CPNE4: variants seen among roughly 807,000 people sequenced by gnomAD.
CPNE4 encodes the protein copine 4, also known as copine-4.
CPNE4 carries 25 observed loss-of-function variants against 67.9 expected under a neutral mutation model. The observed-to-expected ratio is 0.37, with a 90% CI of 0.27 to 0.51. CPNE4 has a LOEUF of 0.51. Among genes scored for constraint, CPNE4 ranks in the 20% least tolerant of loss-of-function variants. The pLI, the probability that CPNE4 is intolerant of heterozygous loss-of-function variation, is 0.93. For missense variants in CPNE4, 464 were observed against 690.8 expected (o/e 0.67, Z 3.68); for synonymous variants, 242 against 244.9 (o/e 0.99, Z 0.11).
chr3:131,770,714 A>G (rs2083145150), intron 2 of CPNE4, among the ~76,000 whole-genome samples: 1 of 152,212 alleles, frequency 6.6e-6, no homozygotes. Context: ...TCTAAAGTTG[A>G]TATTCTGAGA....
intron 5 of CPNE4, among the ~76,000 whole-genome samples, chr3:131,691,756 A>C (rs1273281725): frequency 6.6e-6 from 1 of 152,190 alleles, no homozygotes; most frequent in Non-Finnish European, 1.5e-5. Context: ...AGAAGAAAAA[A>C]TTCATGAAGG....
chr3:131,925,117 G>GTC (rs149188417), intron 1 of CPNE4, among the ~76,000 whole-genome samples: 29 of 150,702 alleles, frequency 1.9e-4, no homozygotes, highest in Admixed American at 2.7e-4. Context: ...ATTGCTAAAA[G>GTC]TCTCTCTCTC....
intron 2 of CPNE4, among the ~76,000 whole-genome samples, chr3:131,769,875 A>G (rs2083120953): frequency 6.6e-6 from 1 of 152,030 alleles, no homozygotes; most frequent in Non-Finnish European, 1.5e-5. Context: ...AACATAACTT[A>G]TTTTCTCTTA....
chr3:131,861,532 G>A (rs1560485988), intron 2 of CPNE4, among the ~76,000 whole-genome samples: 1 of 152,014 alleles, frequency 6.6e-6, no homozygotes, highest in East Asian at 1.9e-4. Context: ...CCGGGTTCAA[G>A]CGGTTCTCCT....
Position 131,602,043 on chromosome 3 carries a change from A to G in CPNE4, c.682-14461T>C, listed in dbSNP as rs564020337. On this transcript the variant is annotated intron_variant, in intron 7 of 15. Transcript: ENST00000429747. The stretch of plus-strand genomic sequence containing the variant: ...GTCTAAGAATTTAGTACACCTAAGA[A>G]GAGTTGTTAAATTTCAGATTTCCAG... Among the ~76,000 whole-genome samples, 20 of 152,326 alleles carry G rather than the reference A, an allele frequency of 1.3e-4. No homozygotes were observed. In the East Asian group the frequency reaches 2.7e-3, roughly 21 times the overall value.
intron 2 of CPNE4, among the ~76,000 whole-genome samples, chr3:131,886,272 C>T (rs2087889910): frequency 6.6e-6 from 1 of 152,192 alleles, no homozygotes; most frequent in South Asian, 2.1e-4. Flanking sequence ...GTGGTGCAAG[C>T]CCCAAGCCTT....
intron 2 of CPNE4, among the ~76,000 whole-genome samples, chr3:131,805,165 T>C (rs1482592739): frequency 6.6e-6 from 1 of 152,212 alleles, no homozygotes; most frequent in Non-Finnish European, 1.5e-5. Flanking sequence ...ATACACTACC[T>C]GCTGCAAAAC....
intron 1 of CPNE4, among the ~76,000 whole-genome samples, chr3:132,026,389 C>T (rs2074116994): frequency 6.6e-6 from 1 of 152,088 alleles, no homozygotes; most frequent in African/African-American, 2.4e-5. Context: ...CATAGCCAGG[C>T]CAGGAGAGGG....
At position 131,990,459 on chromosome 3, in the gene CPNE4, C is replaced by G. The variant is rs901976236; in HGVS notation, c.-2+44108G>C. Among the ~76,000 whole-genome samples the G allele has an allele frequency of 4.5e-5, 6 of 134,070 alleles. 2 individuals are homozygous for G. The highest frequency in any genetic ancestry group is 1.0e-4 in the Non-Finnish European group (6 of 59,188). The allele number at this position is 134,070 out of a possible 152,430, so 88.0% of individuals were successfully genotyped here. A position where few individuals can be genotyped will look rare whatever the true frequency, so the allele number is the denominator to read the frequency against. On this transcript the variant is annotated intron_variant, in intron 1 of 15. Coordinates refer to ENST00000429747, the MANE Select transcript of CPNE4 (RefSeq NM_130808.3). Reference sequence around the variant, plus strand: ...ATAAATGTTGTTTTTGGTTCTTTTTCTTTTTTTTAAACACCCCCTGCCCCC... The same window carrying G: ...ATAAATGTTGTTTTTGGTTCTTTTTGTTTTTTTTAAACACCCCCTGCCCCC...
intron 2 of CPNE4, among the ~76,000 whole-genome samples, chr3:131,851,930 C>T (rs1246827330): frequency 6.6e-6 from 1 of 151,926 alleles, no homozygotes; most frequent in African/African-American, 2.4e-5. Flanking sequence ...TCCTGATAAC[C>T]GCACAGTCTT....
At chr3:131,553,121 A>G (rs1343437983) in intron 12 of CPNE4, among the ~76,000 whole-genome samples, 1 of 152,120 alleles carries the variant, frequency 6.6e-6, no homozygotes, top group Non-Finnish European at 1.5e-5. Context: ...GTCAAATAAC[A>G]TATTGTTTAC....
chr3:131,559,063 C>T (rs1188760300), intron 11 of CPNE4, among the ~76,000 whole-genome samples: 2 of 151,902 alleles, frequency 1.3e-5, no homozygotes, highest in East Asian at 3.9e-4. Context: ...GCATCATATA[C>T]AAGAAGAATA....
chr3:131,721,671 T>C (rs571586932), intron 3 of CPNE4, among the ~76,000 whole-genome samples: 11 of 152,254 alleles, frequency 7.2e-5, no homozygotes, highest in African/African-American at 2.4e-4. Context: ...CTAGGATTAC[T>C]GGTGTGAGCC....
chr3:131,800,754 C>T (rs1460540860), intron 2 of CPNE4, among the ~76,000 whole-genome samples: 1 of 152,088 alleles, frequency 6.6e-6, no homozygotes, highest in Non-Finnish European at 1.5e-5. Flanking sequence ...TTGGAATAAG[C>T]AAGTGACACG....
chr3:131,815,720 G>GAA (rs2084711831), intron 2 of CPNE4, among the ~76,000 whole-genome samples: 1 of 152,064 alleles, frequency 6.6e-6, no homozygotes, highest in African/African-American at 2.4e-5. Flanking sequence ...ATATCCTAAA[G>GAA]AACTATCTGA....
At chr3:131,598,839 T>C (rs1939039437) in intron 7 of CPNE4, among the ~76,000 whole-genome samples, 1 of 135,728 alleles carries the variant, frequency 7.4e-6, no homozygotes. Context: ...CTCTTTAAAA[T>C]TGTCCCCCCA....
At position 131,823,970 on chromosome 3, in the gene CPNE4, G is replaced by A. The variant is rs926864071; in HGVS notation, c.180+81294C>T. ...AGATTACAATGAATTCTTGTTAAAT[G>A]AATGAATGAATGAGGGCTTGTTTCT... is the stretch of plus-strand genomic sequence containing the variant. On this transcript the variant is annotated intron_variant, in intron 2 of 15. Coordinates refer to ENST00000429747, the MANE Select transcript of CPNE4 (RefSeq NM_130808.3). Among the ~76,000 whole-genome samples, 48 of 152,246 alleles carry A rather than the reference G, an allele frequency of 3.2e-4. 1 individual carries two copies. Among genetic ancestry groups the A allele is most frequent in the African/African-American group, 1.1e-3 (47 of 41,550 alleles).
intron 1 of CPNE4, among the ~76,000 whole-genome samples, chr3:132,005,314 CAT>C (rs767282824): frequency 0.075 from 6,138 of 81,640 alleles, 373 homozygotes; most frequent in East Asian, 0.16. Flanking sequence ...GCCATTTTTA[CAT>C]ATATATATAT....
chr3:131,596,307 T>G (rs1938851000), intron 7 of CPNE4, among the ~76,000 whole-genome samples: 1 of 152,074 alleles, frequency 6.6e-6, no homozygotes, highest in Non-Finnish European at 1.5e-5. Flanking sequence ...ACACCAATTA[T>G]ATTTCAAAAA....
Sources: gnomAD v4.1 joint callset for allele counts (sites outside exome capture counted in the v4.1 genomes callset) on GRCh38, gnomAD v4.1.1 for gene constraint, MANE v1.5 for transcripts, NCBI Gene and HGNC (gene_info 2026-07-23, HGNC 2026-07-21) for gene names.